Variants in ANKFY1 observed in about 807,000 individuals in gnomAD.
The protein encoded by ANKFY1 is ankyrin repeat and FYVE domain containing 1, also known as ankyrin repeat and FYVE domain-containing protein 1.
Under a neutral mutation model 128.3 loss-of-function variants are expected in ANKFY1, and 47 were observed. The observed-to-expected ratio is 0.37, with a 90% confidence interval of 0.29 to 0.47. ANKFY1 has a LOEUF of 0.47. Among genes scored for constraint, ANKFY1 ranks in the 20% least tolerant of loss-of-function variants. ANKFY1 has a pLI of 1.00. For synonymous variants in ANKFY1, 553 were observed against 601.6 expected (o/e 0.92, Z 1.18); for missense variants, 1,222 against 1,510.6 (o/e 0.81, Z 3.17).
Position 4,208,967 on chromosome 17 carries a change from G to A in ANKFY1, c.582+857C>T, listed in dbSNP as rs575870327. Among the ~76,000 whole-genome samples the A allele has an allele frequency of 1.4e-3, 206 of 152,266 alleles. 1 individual carries two copies. Among genetic ancestry groups the A allele is most frequent in the African/African-American group, 4.6e-3 (193 of 41,534 alleles). On this transcript the variant is annotated intron_variant, in intron 5 of 24. Transcript: ENST00000341657. ...CCAGCTACTCAGGAGGCCAAGGCAG[G>A]AGAATCGCTTGAACCTGGGAGGCGG...
intron 1 of ANKFY1, among the ~76,000 whole-genome samples, chr17:4,262,114 C>T (rs1285639822): frequency 6.6e-6 from 1 of 152,166 alleles, no homozygotes; most frequent in African/African-American, 2.4e-5. Context: ...TTGCTTGAGC[C>T]CAAGAGTTGG....
intron 7 of ANKFY1, 55 bp downstream of exon 7, chr17:4,206,266 A>G (rs2060021528): frequency 5.0e-6 from 8 of 1,586,078 alleles, no homozygotes; most frequent in African/African-American, 1.3e-5. Flanking sequence ...GTCTTCAAAA[A>G]TTACTCGGAT....
At chr17:4,170,602 G>C (rs534748518) in intron 23 of ANKFY1, 113 bp downstream of exon 23, 2 of 1,423,184 alleles carry the variant, frequency 1.4e-6, no homozygotes, top group African/African-American at 2.9e-5. Context: ...GCCAGGAAAC[G>C]AGCGGTTCCG....
chr17:4,263,480 CT>C, intron 1 of ANKFY1: 5 of 859,236 alleles, frequency 5.8e-6, no homozygotes, highest in Non-Finnish European at 6.7e-6. Flanking sequence ...CCCACCCCAC[CT>C]CACCCCAACC....
chr17:4,227,558 T>C (rs2143185279), intron 3 of ANKFY1, among the ~76,000 whole-genome samples: 1 of 152,230 alleles, frequency 6.6e-6, no homozygotes, highest in Non-Finnish European at 1.5e-5. Flanking sequence ...AACTAATCTA[T>C]ACAAAATGAT....
chr17:4,194,753 T>C lies in ANKFY1; in HGVS notation c.1372+225A>G, dbSNP rs558885070. 2.2e-5 allele frequency: 12 copies of C among 549,408 alleles called. No individual in the cohort carries two copies. In the South Asian group the frequency reaches 2.6e-4, roughly 12 times the overall value. 34.0% of individuals were successfully genotyped at this position (549,408 alleles called of 1,614,324 possible). On this transcript the variant is annotated intron_variant, in intron 10 of 24. Transcript: ENST00000341657. Reference sequence around the variant, plus strand: ...AGAGTCTGCGAGTCGCCGCATTAAATAAATGGAAGTTTCAGTTTCAGGGAC... The same window carrying C: ...AGAGTCTGCGAGTCGCCGCATTAAACAAATGGAAGTTTCAGTTTCAGGGAC...
At position 4,217,279 on chromosome 17, in the gene ANKFY1, T is replaced by G. The variant is rs2060236777; in HGVS notation, c.323-161A>C. On this transcript the variant is annotated intron_variant, in intron 3 of 24. Transcript: ENST00000341657. ...AAAATGGGGACTCGGCCGGGTGCAG[T>G]GGCTCACGCCTGTAATCCCAGCACT... Among the ~76,000 whole-genome samples the G allele has an allele frequency of 5.9e-5, 9 of 152,320 alleles. No individual in the cohort carries two copies. In the South Asian group the frequency reaches 1.9e-3, roughly 32 times the overall value.
intron 1 of ANKFY1, chr17:4,263,597 C>T (rs1453384231): frequency 1.0e-5 from 16 of 1,534,550 alleles, no homozygotes; most frequent in Admixed American, 2.0e-5. Flanking sequence ...AGGCTTACTT[C>T]CCCCGGCGTC....
At chr17:4,257,642 T>C (rs1401610748) in intron 1 of ANKFY1, among the ~76,000 whole-genome samples, 1 of 152,242 alleles carries the variant, frequency 6.6e-6, no homozygotes, top group Non-Finnish European at 1.5e-5. Context: ...AATCTCTCCC[T>C]GAGTTTTCAA....
intron 1 of ANKFY1, among the ~76,000 whole-genome samples, chr17:4,242,876 T>C (rs1490003019): frequency 6.6e-6 from 1 of 152,190 alleles, no homozygotes; most frequent in Non-Finnish European, 1.5e-5. Flanking sequence ...TACCTAAAGA[T>C]GCTGACAGGC....
At chr17:4,180,285 G>A (rs1486406213) in intron 16 of ANKFY1, 4 of 172,108 alleles carry the variant, frequency 2.3e-5, no homozygotes, top group Non-Finnish European at 2.5e-5. Flanking sequence ...AAAATTAACC[G>A]GGCGTGGTGG....
At chr17:4,209,037 C>T (rs952701466) in intron 5 of ANKFY1, among the ~76,000 whole-genome samples, 1 of 145,342 alleles carries the variant, frequency 6.9e-6, no homozygotes, top group Admixed American at 7.0e-5. Context: ...CCAGCCTGGG[C>T]AACAAGAGCG....
At chr17:4,175,809 G>C (rs2059402163) in intron 19 of ANKFY1, among the ~76,000 whole-genome samples, 1 of 152,160 alleles carries the variant, frequency 6.6e-6, no homozygotes, top group African/African-American at 2.4e-5. Context: ...GAGAGAGTGG[G>C]GAAGGGGTTT....
chr17:4,182,988 C>G (rs1306276831), intron 14 of ANKFY1, among the ~76,000 whole-genome samples: 1 of 152,036 alleles, frequency 6.6e-6, no homozygotes, highest in Non-Finnish European at 1.5e-5. Context: ...CGCCTGTAAT[C>G]CCAGCTACTT....
At chr17:4,201,288 A>G (rs1395737429) in intron 7 of ANKFY1, among the ~76,000 whole-genome samples, 1 of 152,098 alleles carries the variant, frequency 6.6e-6, no homozygotes, top group African/African-American at 2.4e-5. Context: ...CACCTTGGCC[A>G]CCCAAAGTGC....
chr17:4,186,056 TG>T (rs1304775908), intron 11 of ANKFY1, among the ~76,000 whole-genome samples: 2 of 152,196 alleles, frequency 1.3e-5, no homozygotes, highest in African/African-American at 2.4e-5. Context: ...CTCTCACATT[TG>T]GAACCATTAT....
intron 8 of ANKFY1, among the ~76,000 whole-genome samples, chr17:4,196,623 T>G (rs1372035715): frequency 6.6e-6 from 1 of 152,208 alleles, no homozygotes; most frequent in Non-Finnish European, 1.5e-5. Flanking sequence ...TGGACAAAGG[T>G]AGCAAGCTGT....
chr17:4,245,378 A>G (rs1047607167), intron 1 of ANKFY1, among the ~76,000 whole-genome samples: 8 of 151,932 alleles, frequency 5.3e-5, no homozygotes, highest in Non-Finnish European at 4.4e-5. Flanking sequence ...GCTACATTTT[A>G]AACTTTCTGT....
chr17:4,244,818 G>A (rs1011886325), intron 1 of ANKFY1, among the ~76,000 whole-genome samples: 2 of 151,884 alleles, frequency 1.3e-5, no homozygotes, highest in African/African-American at 2.4e-5. Flanking sequence ...CCCCATCTCC[G>A]AACTCCAGTC....
Sources: gnomAD v4.1 joint callset for allele counts (sites outside exome capture counted in the v4.1 genomes callset) on GRCh38, gnomAD v4.1.1 for gene constraint, MANE v1.5 for transcripts, NCBI Gene and HGNC (gene_info 2026-07-23, HGNC 2026-07-21) for gene names.